Variants in DPP10 observed in about 807,000 individuals in gnomAD.
DPP10 encodes inactive dipeptidyl peptidase 10.
Under a neutral mutation model 120.9 loss-of-function variants are expected in DPP10, and 33 were observed. That is an observed-to-expected ratio of 0.27 (90% CI 0.21 to 0.37). The LOEUF (loss-of-function observed/expected upper bound fraction) is 0.37. Ranked by LOEUF, DPP10 falls within the 10% of genes least tolerant of loss-of-function variation. The pLI is 1.00. For missense variants in DPP10, 816 were observed against 942.8 expected (o/e 0.87, Z 1.76); for synonymous variants, 337 against 326.1 (o/e 1.03, Z -0.36).
At chr2:115,785,763 T>C (rs2149887700) in intron 17 of DPP10, among the ~76,000 whole-genome samples, 1 of 152,206 alleles carries the variant, frequency 6.6e-6, no homozygotes, top group South Asian at 2.1e-4. Flanking sequence ...TAATTGTATT[T>C]ATACTTTCGA....
At chr2:115,518,781 T>G (rs1257559867) in intron 4 of DPP10, among the ~76,000 whole-genome samples, 5 of 152,176 alleles carry the variant, frequency 3.3e-5, no homozygotes, top group Non-Finnish European at 7.3e-5. Context: ...AGTATTATGT[T>G]ACACACATTG....
At chr2:115,257,842 A>G (rs2059074199) in intron 1 of DPP10, among the ~76,000 whole-genome samples, 1 of 152,192 alleles carries the variant, frequency 6.6e-6, no homozygotes, top group Non-Finnish European at 1.5e-5. Flanking sequence ...AAATCATTTA[A>G]TAGAATGGAT....
chr2:115,244,638 G>A (rs1264815606), intron 1 of DPP10, among the ~76,000 whole-genome samples: 1 of 151,774 alleles, frequency 6.6e-6, no homozygotes. Flanking sequence ...TTGCTTAGTC[G>A]TGTACCTTAC....
chr2:115,800,667 TC>T (rs1685109232), intron 19 of DPP10, among the ~76,000 whole-genome samples: 1 of 152,228 alleles, frequency 6.6e-6, no homozygotes, highest in Admixed American at 6.5e-5. Context: ...TAGCCAGTTT[TC>T]CCAGCATCAT....
chr2:115,151,173 T>C (rs543261332), intron 1 of DPP10, among the ~76,000 whole-genome samples: 22 of 152,262 alleles, frequency 1.4e-4, no homozygotes, highest in African/African-American at 4.1e-4. Flanking sequence ...ATGTCTTAAA[T>C]ATGTTACTTC....
intron 1 of DPP10, among the ~76,000 whole-genome samples, chr2:114,478,495 G>A (rs778380673): frequency 2.0e-5 from 3 of 152,062 alleles, no homozygotes; most frequent in East Asian, 3.9e-4. Flanking sequence ...TCCTCCTAAG[G>A]TTTGTAATAA....
At chr2:114,711,952 A>G (rs1238797925) in intron 1 of DPP10, among the ~76,000 whole-genome samples, 1 of 152,206 alleles carries the variant, frequency 6.6e-6, no homozygotes, top group Non-Finnish European at 1.5e-5. Flanking sequence ...TGTAGAATAG[A>G]AAGTCAAATT....
intron 1 of DPP10, among the ~76,000 whole-genome samples, chr2:115,254,298 CA>C (rs1252115345): frequency 6.6e-6 from 1 of 152,130 alleles, no homozygotes; most frequent in Non-Finnish European, 1.5e-5. Flanking sequence ...ATAAAACTGT[CA>C]GATCTCATGA....
At chr2:114,726,127 T>C (rs1330576177) in intron 1 of DPP10, among the ~76,000 whole-genome samples, 2 of 151,680 alleles carry the variant, frequency 1.3e-5, no homozygotes, top group African/African-American at 2.4e-5. Flanking sequence ...TCCCAGCTAC[T>C]CTGGAGGCTG....
At chr2:115,840,723 C>A in intron 24 of DPP10, 27 bp from the exon 25 acceptor site, 1 of 1,601,338 alleles carries the variant, frequency 6.2e-7, no homozygotes, top group Non-Finnish European at 8.5e-7. Flanking sequence ...TGTGTTTCTT[C>A]AGATATCATA....
intron 1 of DPP10, among the ~76,000 whole-genome samples, chr2:115,081,742 A>G (rs1014959695): frequency 2.6e-5 from 4 of 152,176 alleles, no homozygotes; most frequent in Non-Finnish European, 4.4e-5. Flanking sequence ...TTTCAAAGAG[A>G]ATGTTCATTG....
chr2:115,770,665 T>G (rs139165301), intron 13 of DPP10, among the ~76,000 whole-genome samples: 26 of 152,268 alleles, frequency 1.7e-4, no homozygotes, highest in South Asian at 8.3e-4. Flanking sequence ...TGAATCACCT[T>G]GCCTCAATTT....
intron 7 of DPP10, among the ~76,000 whole-genome samples, chr2:115,709,674 CAG>C (rs2092253818): frequency 6.6e-6 from 1 of 151,466 alleles, no homozygotes; most frequent in Non-Finnish European, 1.5e-5. Flanking sequence ...TGAGAGAGAA[CAG>C]AGTCTGTGGC....
At chr2:115,271,461 A>G (rs183535060) in intron 1 of DPP10, among the ~76,000 whole-genome samples, 149 of 151,930 alleles carry the variant, frequency 9.8e-4, no homozygotes, top group African/African-American at 3.4e-3. Context: ...AGGTTGTTGC[A>G]TTTTTTTTCT....
At chr2:114,717,049 A>C (rs1310993164) in intron 1 of DPP10, among the ~76,000 whole-genome samples, 1 of 152,244 alleles carries the variant, frequency 6.6e-6, no homozygotes, top group Non-Finnish European at 1.5e-5. Flanking sequence ...TAAGCCTTGC[A>C]CAGAGGGTTC....
At position 115,035,620 on chromosome 2, in the gene DPP10, G is replaced by A. The variant is rs1166318553; in HGVS notation, c.61-273619G>A. On this transcript the variant is annotated intron_variant, in intron 1 of 25. Transcript: ENST00000410059. ...CTACTCTTTGATTATAATTATGGTAGATACTGCTTTTATAACCCACTTCAT... is the reference window on the plus strand; with the variant it reads ...CTACTCTTTGATTATAATTATGGTAAATACTGCTTTTATAACCCACTTCAT... Among the ~76,000 whole-genome samples the A allele has an allele frequency of 2.0e-5, 3 of 152,118 alleles. 1 individual carries two copies. The highest frequency in any genetic ancestry group is 4.1e-4 in the South Asian group (2 of 4,830).
chr2:114,547,863 G>A (rs1426899334), intron 1 of DPP10, among the ~76,000 whole-genome samples: 1 of 152,132 alleles, frequency 6.6e-6, no homozygotes, highest in African/African-American at 2.4e-5. Flanking sequence ...CCCTCTTTAG[G>A]GGAGCACAGC....
At chr2:115,099,896 G>A (rs1340320417) in intron 1 of DPP10, among the ~76,000 whole-genome samples, 2 of 152,318 alleles carry the variant, frequency 1.3e-5, no homozygotes, top group East Asian at 1.9e-4. Flanking sequence ...TTGCTGCAGT[G>A]TGAATTACTT....
At chr2:115,347,104 A>G (rs1002922979) in intron 3 of DPP10, among the ~76,000 whole-genome samples, 1 of 152,208 alleles carries the variant, frequency 6.6e-6, no homozygotes, top group Admixed American at 6.5e-5. Context: ...TTATTTAATG[A>G]AAGTTTTATG....
Sources: allele counts gnomAD v4.1 joint callset (sites outside exome capture counted in the v4.1 genomes callset), GRCh38; gene constraint gnomAD v4.1.1; transcripts MANE v1.5; gene names NCBI Gene and HGNC (gene_info 2026-07-23, HGNC 2026-07-21).